CDH9: variants seen among roughly 807,000 people sequenced by gnomAD.
The protein encoded by CDH9 is cadherin-9.
A neutral mutation model predicts 70.9 loss-of-function variants in CDH9; 28 were observed. The ratio of observed to expected loss-of-function variants is 0.40; its 90% CI spans 0.29 to 0.54. The LOEUF is 0.54. CDH9 is among the 20% of genes least tolerant of loss of function. The probability of loss-of-function intolerance (pLI) is 0.59; values close to 1 mark genes in which losing one functional copy is unlikely to be tolerated. For synonymous variants in CDH9, 409 were observed against 343.1 expected (o/e 1.19, Z -2.12); for missense variants, 874 against 984.4 (o/e 0.89, Z 1.50).
At chr5:26,956,652 C>A (rs1020427575) in intron 2 of CDH9, among the ~76,000 whole-genome samples, 2 of 152,100 alleles carry the variant, frequency 1.3e-5, no homozygotes, top group African/African-American at 4.8e-5. Context: ...CCTCCACAGA[C>A]CCCACAGGCT....
At chr5:26,910,990 A>G (rs1741043341) in intron 3 of CDH9, among the ~76,000 whole-genome samples, 1 of 152,238 alleles carries the variant, frequency 6.6e-6, no homozygotes, top group Non-Finnish European at 1.5e-5. Context: ...TTCGATGTCC[A>G]GGAATTTAAA....
chr5:26,997,176 T>C (rs555045465), intron 1 of CDH9, among the ~76,000 whole-genome samples: 60 of 152,140 alleles, frequency 3.9e-4, no homozygotes, highest in African/African-American at 1.3e-3. Context: ...TATGAGAAAA[T>C]TAACTGTTGT....
intron 2 of CDH9, among the ~76,000 whole-genome samples, chr5:26,982,171 G>T (rs889617529): frequency 2.0e-5 from 3 of 150,516 alleles, no homozygotes; most frequent in Admixed American, 1.3e-4. Flanking sequence ...TATAAAGGTG[G>T]ATTTGATCAT....
At chr5:26,938,564 C>G (rs531523625) in intron 2 of CDH9, among the ~76,000 whole-genome samples, 1 of 152,044 alleles carries the variant, frequency 6.6e-6, no homozygotes, top group African/African-American at 2.4e-5. Context: ...AATAAACTCT[C>G]TGGCAATTTT....
At chr5:26,968,860 T>G (rs1271285043) in intron 2 of CDH9, among the ~76,000 whole-genome samples, 1 of 152,166 alleles carries the variant, frequency 6.6e-6, no homozygotes. Flanking sequence ...GGTAAATAAT[T>G]AAGATACTAA....
intron 2 of CDH9, among the ~76,000 whole-genome samples, chr5:26,921,375 C>G: frequency 6.6e-6 from 1 of 152,156 alleles, no homozygotes; most frequent in Non-Finnish European, 1.5e-5. Context: ...GACCACTACT[C>G]AACCTTCCTG....
chr5:26,890,307 T>C, intron 8 of CDH9, 121 bp downstream of exon 8: 2 of 759,200 alleles, frequency 2.6e-6, no homozygotes, highest in East Asian at 2.5e-5. Context: ...TTCTAAGCCA[T>C]TTCTCTAAGA....
At chr5:27,030,185 C>A (rs1239327502) in intron 1 of CDH9, among the ~76,000 whole-genome samples, 1 of 151,904 alleles carries the variant, frequency 6.6e-6, no homozygotes, top group Non-Finnish European at 1.5e-5. Context: ...ATCTCTTCTT[C>A]GTGAATTGTG....
At chr5:26,984,617 A>G (rs1742459425) in intron 2 of CDH9, among the ~76,000 whole-genome samples, 1 of 152,112 alleles carries the variant, frequency 6.6e-6, no homozygotes, top group African/African-American at 2.4e-5. Flanking sequence ...AGATTCTCTA[A>G]CAGAATAGTA....
At chr5:26,919,448 C>T (rs1282698811) in intron 2 of CDH9, among the ~76,000 whole-genome samples, 2 of 152,152 alleles carry the variant, frequency 1.3e-5, no homozygotes. Context: ...CTACCATGGG[C>T]TAAAGGGTTC....
At chr5:26,905,936 G>T in intron 5 of CDH9, 23 bp downstream of exon 5, 9 of 1,594,888 alleles carry the variant, frequency 5.6e-6, no homozygotes, top group Non-Finnish European at 7.7e-6. Context: ...TTTTGGACAT[G>T]AGATCACTGA....
chr5:26,915,845 A>G lies in CDH9; in HGVS notation c.308T>C (p.Ile103Thr), dbSNP rs1190858109. 6.2e-7 allele frequency: 1 copy of G among 1,612,450 alleles called. No individual in the cohort carries two copies. The highest frequency in any genetic ancestry group is 1.3e-5 in the African/African-American group (1 of 74,854). Residue 103 changes from isoleucine (I) to threonine (T), a missense_variant, in exon 3 of 12, where the codon ATA becomes ACA. Coordinates refer to ENST00000231021, the MANE Select transcript of CDH9 (RefSeq NM_016279.4). ...ATGAATGTCTCCTGTATTTTCATCT[A>G]TAACAAATAGACTGCCAGCCCCATC... Reference protein sequence around the residue: ...TGDGAGSLFVIDENTGDIHAA... With the variant: ...TGDGAGSLFVTDENTGDIHAA...
At chr5:27,036,485 A>G (rs1240876114) in intron 1 of CDH9, among the ~76,000 whole-genome samples, 2 of 151,982 alleles carry the variant, frequency 1.3e-5, no homozygotes, top group Non-Finnish European at 2.9e-5. Flanking sequence ...CAATAACAGT[A>G]GCATAGTTAT....
At chr5:26,916,568 A>G in intron 2 of CDH9, among the ~76,000 whole-genome samples, 1 of 151,986 alleles carries the variant, frequency 6.6e-6, no homozygotes, top group East Asian at 1.9e-4. Context: ...TAATGATAAA[A>G]TTGAGCAATT....
intron 1 of CDH9, among the ~76,000 whole-genome samples, chr5:27,032,430 A>G (rs1743324130): frequency 6.6e-6 from 1 of 151,672 alleles, no homozygotes; most frequent in African/African-American, 2.4e-5. Context: ...GTATTGTCAG[A>G]ATCTGACATC....
chr5:27,004,211 C>G (rs1188874525), intron 1 of CDH9, among the ~76,000 whole-genome samples: 1 of 150,664 alleles, frequency 6.6e-6, no homozygotes, highest in Non-Finnish European at 1.5e-5. Context: ...TCAATGGGAA[C>G]AGCATTCCAG....
At position 26,956,582 on chromosome 5, in the gene CDH9, T is replaced by C. The variant is rs141410038; in HGVS notation, c.228+31524A>G. 2.6e-5 allele frequency among the ~76,000 whole-genome samples: 4 copies of C among 152,276 alleles called. No individual in the cohort carries two copies. The East Asian group carries it at 7.7e-4, about 29-fold the overall frequency. ...ATATAGGCTATGGTTTGAATATTTG[T>C]TCCCTCAAAAGTCATGTTGAAATGT... On this transcript the variant is annotated intron_variant, in intron 2 of 11. Transcript: ENST00000231021.
intron 2 of CDH9, among the ~76,000 whole-genome samples, chr5:26,936,694 C>A (rs1385693072): frequency 6.6e-6 from 1 of 151,888 alleles, no homozygotes; most frequent in Non-Finnish European, 1.5e-5. Flanking sequence ...AATAAGTAAA[C>A]AAATAGATCA....
chr5:26,974,074 G>A (rs556450563), intron 2 of CDH9, among the ~76,000 whole-genome samples: 11 of 152,098 alleles, frequency 7.2e-5, no homozygotes, highest in Admixed American at 2.6e-4. Context: ...GTGAAACCTC[G>A]TCTCTACTAA....
Sources: allele counts gnomAD v4.1 joint callset (sites outside exome capture counted in the v4.1 genomes callset), GRCh38; gene constraint gnomAD v4.1.1; transcripts MANE v1.5; gene names NCBI Gene and HGNC (gene_info 2026-07-23, HGNC 2026-07-21).